LAMA2: variants seen among roughly 807,000 people sequenced by gnomAD.
LAMA2 encodes the protein laminin subunit alpha-2.
In LAMA2, 269 loss-of-function variants were observed where a neutral mutation model predicts 364.8. That is an observed-to-expected ratio of 0.74 (90% CI 0.67 to 0.82). The LOEUF (loss-of-function observed/expected upper bound fraction) is 0.82, where lower values mean the gene tolerates loss of function less well. Ranked by LOEUF, LAMA2 falls within the 40% of genes least tolerant of loss-of-function variation. LAMA2 has a pLI of 0.00. For synonymous variants in LAMA2, 1,379 were observed against 1,370.6 expected (o/e 1.01, Z -0.14); for missense variants, 3,807 against 3,873.2 (o/e 0.98, Z 0.45).
At chr6:129,086,149 T>C (rs1774371860) in intron 3 of LAMA2, among the ~76,000 whole-genome samples, 3 of 152,218 alleles carry the variant, frequency 2.0e-5, no homozygotes, top group Admixed American at 2.0e-4. Flanking sequence ...AGAAAGAATG[T>C]GTGATTTAGA....
At chr6:129,093,329 A>G (rs548309389) in intron 3 of LAMA2, among the ~76,000 whole-genome samples, 1 of 150,780 alleles carries the variant, frequency 6.6e-6, no homozygotes, top group South Asian at 2.1e-4. Context: ...TTAGCAATGC[A>G]TGTTCTAGAA....
chr6:129,417,300 G>A (rs564555294), intron 40 of LAMA2, among the ~76,000 whole-genome samples: 12 of 152,200 alleles, frequency 7.9e-5, no homozygotes, highest in African/African-American at 2.7e-4. Context: ...GGGTAGCTCC[G>A]TTCCACAGGC....
intron 40 of LAMA2, 116 bp downstream of exon 40, chr6:129,404,075 G>A: frequency 8.8e-7 from 1 of 1,138,080 alleles, no homozygotes; most frequent in Non-Finnish European, 1.3e-6. Flanking sequence ...GGTTATTTTT[G>A]AAGACCTCTT....
At chr6:129,425,174 A>G (rs1259119144) in intron 40 of LAMA2, among the ~76,000 whole-genome samples, 1 of 152,064 alleles carries the variant, frequency 6.6e-6, no homozygotes, top group East Asian at 1.9e-4. Flanking sequence ...TATATTCTCT[A>G]CCATGGTTGT....
intron 1 of LAMA2, among the ~76,000 whole-genome samples, chr6:128,972,306 C>T (rs1782233867): frequency 6.6e-6 from 1 of 152,142 alleles, no homozygotes; most frequent in Admixed American, 6.6e-5. Context: ...GTCAAACAGA[C>T]CTGACCTTAA....
intron 2 of LAMA2, among the ~76,000 whole-genome samples, chr6:129,058,682 C>A (rs1788663994): frequency 1.3e-5 from 2 of 152,162 alleles, no homozygotes; most frequent in South Asian, 4.1e-4. Context: ...CAAAAAGCTT[C>A]TGTAAGGGCC....
At chr6:129,134,715 A>T (rs1435909626) in intron 4 of LAMA2, among the ~76,000 whole-genome samples, 1 of 152,156 alleles carries the variant, frequency 6.6e-6, no homozygotes. Context: ...ACAGCTGCTG[A>T]TCTGACAGGA....
chr6:129,092,088 T>C (rs1468403210), intron 3 of LAMA2, among the ~76,000 whole-genome samples: 1 of 152,208 alleles, frequency 6.6e-6, no homozygotes, highest in Non-Finnish European at 1.5e-5. Context: ...TCATCAGACC[T>C]ACCTCGGTGA....
chr6:129,273,798 G>A (rs1044034741), intron 17 of LAMA2, among the ~76,000 whole-genome samples: 1 of 151,908 alleles, frequency 6.6e-6, no homozygotes, highest in East Asian at 1.9e-4. Context: ...TTTTAAAAAT[G>A]CATATAACAC....
intron 37 of LAMA2, among the ~76,000 whole-genome samples, chr6:129,397,341 C>G (rs1223613437): frequency 6.6e-6 from 1 of 152,052 alleles, no homozygotes; most frequent in South Asian, 2.1e-4. Flanking sequence ...ATCTGTGCCT[C>G]TCTTTGTTTT....
intron 32 of LAMA2, among the ~76,000 whole-genome samples, chr6:129,356,184 T>C (rs377733724): frequency 1.3e-5 from 2 of 152,200 alleles, no homozygotes; most frequent in South Asian, 2.1e-4. Flanking sequence ...GGATTTTCAC[T>C]ACTATCATGA....
At chr6:128,991,202 G>C (rs1287240878) in intron 1 of LAMA2, among the ~76,000 whole-genome samples, 3 of 152,110 alleles carry the variant, frequency 2.0e-5, no homozygotes, top group Non-Finnish European at 4.4e-5. Flanking sequence ...CTGCTGGGAA[G>C]CTTATTTTAT....
At chr6:129,455,647 A>G (rs2114793549) in intron 47 of LAMA2, among the ~76,000 whole-genome samples, 1 of 152,298 alleles carries the variant, frequency 6.6e-6, no homozygotes, top group East Asian at 1.9e-4. Flanking sequence ...GAAATCAATC[A>G]CTTAAAAAAG....
chr6:129,147,203 C>T (rs751146704), intron 6 of LAMA2, among the ~76,000 whole-genome samples, 155 bp downstream of exon 6: 2 of 150,638 alleles, frequency 1.3e-5, no homozygotes, highest in Non-Finnish European at 2.9e-5. Flanking sequence ...TAAGAGCTGG[C>T]AGTTAGGATG....
intron 51 of LAMA2, among the ~76,000 whole-genome samples, chr6:129,472,204 C>T (rs1311856319): frequency 6.6e-6 from 1 of 151,918 alleles, no homozygotes; most frequent in Non-Finnish European, 1.5e-5. Context: ...ATCCAAGAAA[C>T]TAGCATCCTA....
intron 1 of LAMA2, among the ~76,000 whole-genome samples, chr6:129,042,702 T>A (rs184742152): frequency 6.6e-6 from 1 of 152,308 alleles, no homozygotes; most frequent in East Asian, 1.9e-4. Context: ...CAACCATTTT[T>A]CCTGTTTTAT....
rs145355176 is a variant in LAMA2 at position 129,295,611 on chromosome 6, G to A, written c.2857-2074G>A. Among the ~76,000 whole-genome samples the A allele has an allele frequency of 2.5e-3, 376 of 152,206 alleles. 3 individuals are homozygous for A. Among genetic ancestry groups the A allele is most frequent in the African/African-American group, 8.7e-3 (361 of 41,552 alleles). ...ATTTAAATATTTGAAAAGTGAGGTA[G>A]AACCGTTTCTTCTTGTATATTTCCT... On this transcript the variant is annotated intron_variant, in intron 20 of 64. Coordinates refer to ENST00000421865, the MANE Select transcript of LAMA2 (RefSeq NM_000426.4).
Position 128,976,417 on chromosome 6 carries a change from G to T in LAMA2, c.113-73501G>T, listed in dbSNP as rs543430387. ...CTGGTGATAATGATTTGGGAATTTT[G>T]GCATAAAAATACTCATTTGAACCCA... On this transcript the variant is annotated intron_variant, in intron 1 of 64. Coordinates refer to ENST00000421865, the MANE Select transcript of LAMA2 (RefSeq NM_000426.4). Among the ~76,000 whole-genome samples, 5 of 152,202 alleles carry T rather than the reference G, an allele frequency of 3.3e-5. No homozygotes were observed. In the South Asian group the frequency reaches 8.3e-4, roughly 25 times the overall value.
chr6:129,483,271 A>G (rs1248474147), intron 55 of LAMA2, among the ~76,000 whole-genome samples: 4 of 151,942 alleles, frequency 2.6e-5, no homozygotes, highest in Non-Finnish European at 5.9e-5. Context: ...AAAAGACATT[A>G]TAAACATTTG....
Sources: allele counts gnomAD v4.1 joint callset (sites outside exome capture counted in the v4.1 genomes callset), GRCh38; gene constraint gnomAD v4.1.1; transcripts MANE v1.5; gene names NCBI Gene and HGNC (gene_info 2026-07-23, HGNC 2026-07-21).